Variants in NFKB1 observed in about 807,000 individuals in gnomAD.
The protein encoded by NFKB1 is nuclear factor NF-kappa-B p105 subunit.
In NFKB1, 9 loss-of-function variants were observed where a neutral mutation model predicts 105.1. The ratio of observed to expected loss-of-function variants is 0.09; its 90% CI spans 0.05 to 0.15. The LOEUF (loss-of-function observed/expected upper bound fraction) is 0.15, where lower values mean the gene tolerates loss of function less well. NFKB1 is among the 10% of genes least tolerant of loss of function. The pLI, the probability that NFKB1 is intolerant of heterozygous loss-of-function variation, is 1.00. For synonymous variants in NFKB1, 440 were observed against 442.2 expected (o/e 1.00, Z 0.06); for missense variants, 830 against 1,203.7 (o/e 0.69, Z 4.59).
rs1381257974 is a variant in NFKB1, at chr4:102,569,316, T to A, written c.407+2181T>A. 2.6e-5 allele frequency among the ~76,000 whole-genome samples: 4 copies of A among 152,100 alleles called. No individual in the cohort carries two copies. The East Asian group carries it at 7.7e-4, about 29-fold the overall frequency. On this transcript the variant is annotated intron_variant, in intron 6 of 23. Coordinates refer to ENST00000226574, the MANE Select transcript of NFKB1 (RefSeq NM_003998.4). ...TTGGGGACCTTAATGTCTTCCCTCA[T>A]AAAATGAGAGAGTTTCACTACAGAA...
At chr4:102,539,429 A>G (rs1169524092) in intron 5 of NFKB1, among the ~76,000 whole-genome samples, 1 of 152,072 alleles carries the variant, frequency 6.6e-6, no homozygotes, top group Non-Finnish European at 1.5e-5. Flanking sequence ...ATTATTTAGT[A>G]TGGGTACTAC....
intron 14 of NFKB1, 82 bp downstream of exon 14, chr4:102,596,414 AAGATGATATATC>A: frequency 9.1e-7 from 1 of 1,096,282 alleles, no homozygotes; most frequent in Non-Finnish European, 1.3e-6. Context: ...TGCTAATCTA[AAGATGATATATC>A]AATATCTAGT....
chr4:102,613,402 C>T lies in NFKB1; in HGVS notation c.2593-23C>T, dbSNP rs778944953. 10 of 1,610,660 alleles carry T rather than the reference C, an allele frequency of 6.2e-6. No individual in the cohort carries two copies. The East Asian group carries it at 1.1e-4, about 18-fold the overall frequency. ...TGGGACTCGAACACAAGAACATGCT[C>T]CTCCTTCCTTTCTTTCTCACAGGTC... On this transcript the variant is annotated intron_variant, in intron 22 of 23. Coordinates refer to ENST00000226574, the MANE Select transcript of NFKB1 (RefSeq NM_003998.4).
chr4:102,615,661 A>G (rs4648139), intron 23 of NFKB1, among the ~76,000 whole-genome samples: 26 of 152,380 alleles, frequency 1.7e-4, no homozygotes, highest in Non-Finnish European at 3.2e-4. Context: ...TATTTTTAGG[A>G]TATCGCATAG....
chr4:102,573,466 G>A (rs2149177050), intron 6 of NFKB1, among the ~76,000 whole-genome samples: 1 of 151,870 alleles, frequency 6.6e-6, no homozygotes, highest in Non-Finnish European at 1.5e-5. Flanking sequence ...CAGCTTTTCA[G>A]ATTTTCTCTT....
chr4:102,509,441 A>G (rs1739636317), intron 1 of NFKB1, among the ~76,000 whole-genome samples: 1 of 152,228 alleles, frequency 6.6e-6, no homozygotes, highest in Non-Finnish European at 1.5e-5. Context: ...TTAGAGAGGT[A>G]GTTCAATCCT....
Position 102,546,183 on chromosome 4 carries a change from G to A in NFKB1, c.258+8227G>A, listed in dbSNP as rs910554683. ...TATTAGCTTCTTTTTATAAAGCCTG[G>A]GTGGAAGCATATAGATGTATCTTTA... is the stretch of plus-strand genomic sequence containing the variant. On this transcript the variant is annotated intron_variant, in intron 5 of 23. Coordinates refer to ENST00000226574, the MANE Select transcript of NFKB1 (RefSeq NM_003998.4). Among the ~76,000 whole-genome samples the A allele has an allele frequency of 2.0e-5, 3 of 152,048 alleles. No homozygotes were observed. In the South Asian group the frequency reaches 6.2e-4, roughly 31 times the overall value.
intron 1 of NFKB1, among the ~76,000 whole-genome samples, chr4:102,512,827 C>G (rs1227115023): frequency 6.6e-6 from 1 of 152,152 alleles, no homozygotes; most frequent in Non-Finnish European, 1.5e-5. Flanking sequence ...GTTCATAGGA[C>G]CAAACATTGC....
At chr4:102,523,587 G>A (rs1270686609) in intron 1 of NFKB1, among the ~76,000 whole-genome samples, 1 of 152,134 alleles carries the variant, frequency 6.6e-6, no homozygotes, top group African/African-American at 2.4e-5. Flanking sequence ...CAGTGCATTT[G>A]GGTTAAAGAA....
At chr4:102,558,648 G>A (rs1022949071) in intron 5 of NFKB1, among the ~76,000 whole-genome samples, 16 of 152,072 alleles carry the variant, frequency 1.1e-4, no homozygotes, top group Non-Finnish European at 2.4e-4. Flanking sequence ...TATCCTCACT[G>A]TTTTTATTCC....
At chr4:102,612,711 A>C (rs1484882833) in intron 22 of NFKB1, 105 bp downstream of exon 22, 1 of 1,143,572 alleles carries the variant, frequency 8.7e-7, no homozygotes, top group East Asian at 2.4e-5. Flanking sequence ...TCTGAAGAAG[A>C]AAACCAGTCA....
At chr4:102,517,240 A>T (rs1740252992) in intron 1 of NFKB1, among the ~76,000 whole-genome samples, 1 of 152,156 alleles carries the variant, frequency 6.6e-6, no homozygotes, top group African/African-American at 2.4e-5. Flanking sequence ...CTCAGTCAAA[A>T]AGTGAGGGCG....
At chr4:102,604,368 A>G (rs1383982447) in intron 16 of NFKB1, among the ~76,000 whole-genome samples, 1 of 152,166 alleles carries the variant, frequency 6.6e-6, no homozygotes, top group African/African-American at 2.4e-5. Context: ...CTGCAAGGAA[A>G]CCAGAGGTCT....
intron 1 of NFKB1, among the ~76,000 whole-genome samples, chr4:102,511,306 G>A (rs1191398461): frequency 1.3e-5 from 2 of 152,222 alleles, no homozygotes; most frequent in African/African-American, 4.8e-5. Context: ...CAGTTCTAAG[G>A]ACAAGGCACA....
chr4:102,552,281 T>G (rs867334066), intron 5 of NFKB1, among the ~76,000 whole-genome samples: 3 of 152,282 alleles, frequency 2.0e-5, no homozygotes, highest in African/African-American at 2.4e-5. Context: ...TTGGTTGTCT[T>G]CAAATATATG....
At chr4:102,527,919 T>C (rs1484329342) in intron 2 of NFKB1, among the ~76,000 whole-genome samples, 1 of 152,208 alleles carries the variant, frequency 6.6e-6, no homozygotes. Flanking sequence ...GTTTTTCTTA[T>C]GTGGGCATCT....
At chr4:102,591,770 G>T (rs186513751) in intron 11 of NFKB1, among the ~76,000 whole-genome samples, 3 of 152,206 alleles carry the variant, frequency 2.0e-5, no homozygotes, top group Admixed American at 6.5e-5. Flanking sequence ...CCATTCTGCA[G>T]CCCATGGATC....
In NFKB1 at chr4:102,567,099, G is replaced by A; in HGVS notation, c.371G>A (p.Cys124Tyr). Residue 124 changes from cysteine to tyrosine, a missense_variant, in exon 6 of 24, where the codon TGC (cysteine) becomes TAC (tyrosine). Cys to Tyr is a radical substitution (Grantham distance 194). Transcript: ENST00000226574. ...GGAAAACACTGTGAGGATGGGATCTGCACTGTAACTGCTGGACCCAAGGAC... is the reference window on the plus strand; with the variant it reads ...GGAAAACACTGTGAGGATGGGATCTACACTGTAACTGCTGGACCCAAGGAC... ...LVGKHCEDGI[C>Y]TVTAGPKDMV... The A allele has an allele frequency of 6.2e-7, 1 of 1,613,936 alleles. No individual in the cohort carries two copies. Among genetic ancestry groups the A allele is most frequent in the East Asian group, 2.2e-5 (1 of 44,884 alleles).
chr4:102,577,961 C>A (rs1725000281), intron 7 of NFKB1: 20 of 985,442 alleles, frequency 2.0e-5, no homozygotes, highest in Non-Finnish European at 2.2e-5. Context: ...GTTTTGCCTA[C>A]AAAATCCAAA....
Sources: allele counts gnomAD v4.1 joint callset (sites outside exome capture counted in the v4.1 genomes callset), GRCh38; gene constraint gnomAD v4.1.1; transcripts MANE v1.5; gene names NCBI Gene and HGNC (gene_info 2026-07-23, HGNC 2026-07-21).